Variants in PARD6G observed in about 807,000 individuals in gnomAD.
PARD6G encodes par-6 family cell polarity regulator gamma.
In PARD6G, 7 loss-of-function variants were observed where a neutral mutation model predicts 10.7. The ratio of observed to expected loss-of-function variants is 0.66; its 90% CI spans 0.37 to 1.23. The LOEUF is 1.23. PARD6G is among the 50% of genes most tolerant of loss of function. The pLI is 0.02. For synonymous variants in PARD6G, 287 were observed against 269.4 expected (o/e 1.07, Z -0.64); for missense variants, 548 against 571.8 (o/e 0.96, Z 0.42).
rs2052859030 is a variant in PARD6G at position 80,183,655 on chromosome 18, GC to G, written c.295+19054del. On this transcript the variant is annotated intron_variant, in intron 2 of 2. Coordinates refer to ENST00000353265, the MANE Select transcript of PARD6G (RefSeq NM_032510.4). The surrounding 1 kb of genome is among the most constrained non-coding windows in gnomAD (Gnocchi z 4.5). ...TTTCTGCAGACATTCCTTTGCTTCAGCACTCACCGCTCCCCAGACCACAAAG... is the reference window on the plus strand; with the variant it reads ...TTTCTGCAGACATTCCTTTGCTTCAGACTCACCGCTCCCCAGACCACAAAG... The G allele has an allele frequency of 6.5e-6, 1 of 154,590 alleles. No homozygotes were observed. 9.6% of individuals were successfully genotyped at this position (154,590 alleles called of 1,614,324 possible).
chr18:80,217,787 G>A (rs1967185591), intron 1 of PARD6G, among the ~76,000 whole-genome samples: 1 of 152,164 alleles, frequency 6.6e-6, no homozygotes, highest in Admixed American at 6.5e-5. Flanking sequence ...ACCTGAGACT[G>A]GGTAATTTAT....
At chr18:80,168,426 A>T (rs1479248136) in intron 2 of PARD6G, among the ~76,000 whole-genome samples, 5 of 152,170 alleles carry the variant, frequency 3.3e-5, no homozygotes, top group African/African-American at 1.2e-4. Context: ...ATACCTTTTT[A>T]CAAGAAAAAA....
intron 1 of PARD6G, among the ~76,000 whole-genome samples, chr18:80,212,594 AT>A (rs1967120080): frequency 6.6e-6 from 1 of 152,184 alleles, no homozygotes; most frequent in African/African-American, 2.4e-5. Flanking sequence ...GTAAATAATT[AT>A]CTTGTTTTGG....
chr18:80,237,247 G>T (rs946894096), intron 1 of PARD6G, among the ~76,000 whole-genome samples: 2 of 152,096 alleles, frequency 1.3e-5, no homozygotes, highest in African/African-American at 4.8e-5. Flanking sequence ...ACAAGAAATG[G>T]GGAAAGGATT....
intron 2 of PARD6G, among the ~76,000 whole-genome samples, chr18:80,191,532 C>T (rs892575779): frequency 8.5e-5 from 13 of 152,186 alleles, no homozygotes; most frequent in African/African-American, 2.9e-4. Flanking sequence ...CATAAATTTT[C>T]TGCCACAGAT....
chr18:80,197,229 C>T (rs747016261), intron 2 of PARD6G, among the ~76,000 whole-genome samples: 2 of 152,132 alleles, frequency 1.3e-5, no homozygotes, highest in African/African-American at 2.4e-5. Context: ...ACCAAACATA[C>T]CTCTAGCTAT....
At chr18:80,174,807 A>G (rs1381025007) in intron 2 of PARD6G, among the ~76,000 whole-genome samples, 1 of 152,148 alleles carries the variant, frequency 6.6e-6, no homozygotes, top group African/African-American at 2.4e-5. Context: ...ACAAAAAATT[A>G]GCCGGGCTTG....
At chr18:80,225,374 T>C (rs1452621220) in intron 1 of PARD6G, among the ~76,000 whole-genome samples, 1 of 152,190 alleles carries the variant, frequency 6.6e-6, no homozygotes, top group Non-Finnish European at 1.5e-5. Context: ...CAAAGGCCCA[T>C]TGCCATGTTA....
At chr18:80,191,873 A>G (rs544913980) in intron 2 of PARD6G, among the ~76,000 whole-genome samples, 12 of 152,352 alleles carry the variant, frequency 7.9e-5, no homozygotes, top group African/African-American at 2.9e-4. Context: ...TATACGTGTG[A>G]TAATGAGGGT....
Position 80,246,484 on chromosome 18 carries a change from G to A in PARD6G, c.72+793C>T, listed in dbSNP as rs1967549078. Among the ~76,000 whole-genome samples, 1 of 152,078 alleles carries A rather than the reference G, an allele frequency of 6.6e-6. No individual in the cohort carries two copies. Among genetic ancestry groups the A allele is most frequent in the South Asian group, 2.1e-4 (1 of 4,832 alleles). On this transcript the variant is annotated intron_variant, in intron 1 of 2. Transcript: ENST00000353265. This position sits in a 1 kb window ranked among gnomAD's most constrained non-coding sequence, Gnocchi z 6.7. ...GCAGCGGGAGGGGCCGGGCACGCCC[G>A]TGGGGGTGGTCTGGGTACGGGTCTG...
chr18:80,167,389 A>G (rs1044312679), intron 2 of PARD6G, among the ~76,000 whole-genome samples: 10 of 152,168 alleles, frequency 6.6e-5, no homozygotes, highest in Non-Finnish European at 1.2e-4. Flanking sequence ...AGGACAGGGC[A>G]CGGCTCTTCA....
rs549605175 is a variant in PARD6G at position 80,158,195 on chromosome 18, C to T, written c.*1576G>A. ...ATTTGTTAAAAATCACTAAGTTCCA[C>T]GTGACTTCTTATAGTTAAAAGTGAG... On this transcript the variant is annotated 3_prime_UTR_variant, in exon 3 of 3. Transcript: ENST00000353265. The T allele has an allele frequency of 2.0e-5, 3 of 152,168 alleles. No homozygotes were observed. Among genetic ancestry groups the T allele is most frequent in the Non-Finnish European group, 2.9e-5 (2 of 68,032 alleles). The allele number at this position is 152,168 out of a possible 1,614,324, so 9.4% of individuals were successfully genotyped here. A position where few individuals can be genotyped will look rare whatever the true frequency, so the allele number is the denominator to read the frequency against.
chr18:80,159,717 T>C lies in PARD6G; in HGVS notation c.*54A>G. 7.5e-7 allele frequency: 1 copy of C among 1,342,192 alleles called. No individual in the cohort carries two copies. Among genetic ancestry groups the C allele is most frequent in the South Asian group, 2.1e-5 (1 of 48,128 alleles). 83.1% of individuals were successfully genotyped at this position (1,342,192 alleles called of 1,614,324 possible). ...ATGAGCGGATGCAGTCTGCAGGTCCTGTCCCTGTCCTTACCGGGGAACTGG... is the reference window on the plus strand; with the variant it reads ...ATGAGCGGATGCAGTCTGCAGGTCCCGTCCCTGTCCTTACCGGGGAACTGG... On this transcript the variant is annotated 3_prime_UTR_variant, in exon 3 of 3. Coordinates refer to ENST00000353265, the MANE Select transcript of PARD6G (RefSeq NM_032510.4).
rs1782074440 is a variant in PARD6G at position 80,188,265 on chromosome 18, C to T, written c.295+14445G>A. Among the ~76,000 whole-genome samples the T allele has an allele frequency of 2.0e-5, 3 of 152,142 alleles. No homozygotes were observed. The highest frequency in any genetic ancestry group is 1.3e-4 in the Admixed American group (2 of 15,276). On this transcript the variant is annotated intron_variant, in intron 2 of 2. Transcript: ENST00000353265. This position sits in a 1 kb window ranked among gnomAD's most constrained non-coding sequence, Gnocchi z 5.4. Reference sequence around the variant, plus strand: ...CCCCACCCTGGCCTCTCCCTAAGGGCGTGGAGGTGGCCTGATCTCACTGCC... The same window carrying T: ...CCCCACCCTGGCCTCTCCCTAAGGGTGTGGAGGTGGCCTGATCTCACTGCC...
chr18:80,179,791 G>C (rs771589203), intron 2 of PARD6G, among the ~76,000 whole-genome samples: 3 of 152,250 alleles, frequency 2.0e-5, no homozygotes, highest in Non-Finnish European at 4.4e-5. Flanking sequence ...CGGAGTCCAA[G>C]AGCAAGAACT....
chr18:80,211,765 C>A (rs184419459), intron 1 of PARD6G, among the ~76,000 whole-genome samples: 97 of 152,242 alleles, frequency 6.4e-4, no homozygotes, highest in Non-Finnish European at 1.3e-3. Context: ...CATGGACGAA[C>A]CTTGAGGACA....
chr18:80,192,889 A>C lies in PARD6G; in HGVS notation c.295+9821T>G, dbSNP rs2145272972. Among the ~76,000 whole-genome samples, 1 of 152,146 alleles carries C rather than the reference A, an allele frequency of 6.6e-6. No homozygotes were observed. The highest frequency in any genetic ancestry group is 1.9e-4 in the East Asian group (1 of 5,150). ...TGGAGGGCGGAGGAGAGGTGTCTGC[A>C]GGGGAGCTGCTTGGCAGCAACTTCT... On this transcript the variant is annotated intron_variant, in intron 2 of 2. Transcript: ENST00000353265. This position sits in a 1 kb window ranked among gnomAD's most constrained non-coding sequence, Gnocchi z 4.9.
intron 1 of PARD6G, among the ~76,000 whole-genome samples, chr18:80,239,459 C>CA (rs1000217718): frequency 1.6e-4 from 25 of 151,574 alleles, no homozygotes; most frequent in African/African-American, 2.4e-4. Context: ...AAAAAATTAC[C>CA]AAAAAAAAAT....
In PARD6G at chr18:80,202,713, G is replaced by C; in HGVS notation, c.292C>G (p.Arg98Gly). 3 of 1,612,378 alleles carry C rather than the reference G, an allele frequency of 1.9e-6. No homozygotes were observed. The South Asian group carries it at 3.3e-5, about 18-fold the overall frequency. The stretch of plus-strand genomic sequence containing the variant: ...GGCCACTCAACCACTTCAGTACCTC[G>C]TTTCTGGATGAAGACCCTGAGCAGG... The part of the protein sequence containing the change: ...NPLLRVFIQK[R>G]EEAERGSLGA... Residue 98 changes from arginine to glycine, a missense_variant, in exon 2 of 3, where the codon CGA (arginine) becomes GGA (glycine). By Grantham distance (125) the Arg-to-Gly change is moderately radical. This residue lies in a region of PARD6G where 235 missense variants were observed against 291.9 expected (regional missense o/e 0.81). Coordinates refer to ENST00000353265, the MANE Select transcript of PARD6G (RefSeq NM_032510.4).
Sources: allele counts gnomAD v4.1 joint callset (sites outside exome capture counted in the v4.1 genomes callset), GRCh38; gene constraint gnomAD v4.1.1; regional missense constraint gnomAD v4.1.1; non-coding constraint Gnocchi (gnomAD v3.1); transcripts MANE v1.5; gene names NCBI Gene and HGNC (gene_info 2026-07-23, HGNC 2026-07-21).